Variants in VEPH1 observed in about 807,000 individuals in gnomAD.
VEPH1 encodes the protein ventricular zone-expressed PH domain-containing protein homolog 1.
VEPH1 carries 80 observed loss-of-function variants against 85.2 expected under a neutral mutation model. The ratio of observed to expected loss-of-function variants is 0.94; its 90% CI spans 0.78 to 1.13. The LOEUF is 1.13. VEPH1 is among the 50% of genes most tolerant of loss of function. VEPH1 has a pLI of 0.00. For synonymous variants in VEPH1, 297 were observed against 348.0 expected (o/e 0.85, Z 1.63); for missense variants, 955 against 980.5 (o/e 0.97, Z 0.35).
intron 9 of VEPH1, 73 bp downstream of exon 9, chr3:157,363,291 C>A: frequency 7.1e-7 from 1 of 1,399,602 alleles, no homozygotes; most frequent in Non-Finnish European, 9.5e-7. Flanking sequence ...TGCTAATTTA[C>A]CTGATTTGAG....
chr3:157,447,427 G>C (rs1448103606), intron 4 of VEPH1, among the ~76,000 whole-genome samples: 2 of 152,046 alleles, frequency 1.3e-5, no homozygotes, highest in Non-Finnish European at 2.9e-5. Context: ...TTGCTTAGTA[G>C]CTTGTTTCCT....
chr3:157,291,156 A>T (rs745523813), intron 11 of VEPH1, among the ~76,000 whole-genome samples: 1 of 152,212 alleles, frequency 6.6e-6, no homozygotes, highest in Non-Finnish European at 1.5e-5. Context: ...GGTTAATAGG[A>T]TCACTCTAGG....
intron 2 of VEPH1, among the ~76,000 whole-genome samples, chr3:157,487,590 A>T (rs1163596263): frequency 2.6e-5 from 4 of 152,174 alleles, no homozygotes; most frequent in Admixed American, 6.5e-5. Context: ...ATATAACTTG[A>T]TGTCGAAGCT....
chr3:157,355,823 G>A (rs1159232380), intron 9 of VEPH1, among the ~76,000 whole-genome samples: 1 of 151,672 alleles, frequency 6.6e-6, no homozygotes, highest in East Asian at 1.9e-4. Context: ...CGGGATAATT[G>A]ATGTGGATAT....
chr3:157,387,604 C>T (rs1327744984), intron 6 of VEPH1, among the ~76,000 whole-genome samples: 3 of 152,196 alleles, frequency 2.0e-5, no homozygotes, highest in South Asian at 2.1e-4. Context: ...TTTCTGTACT[C>T]CACCTGTGGT....
Position 157,427,997 on chromosome 3 carries a change from G to C in VEPH1, c.696+325C>G, listed in dbSNP as rs184392023. Among the ~76,000 whole-genome samples, 108 of 152,198 alleles carry C rather than the reference G, an allele frequency of 7.1e-4. 1 individual carries two copies. The highest frequency in any genetic ancestry group is 2.5e-3 in the African/African-American group (103 of 41,452). ...TTACTCTCTCTGCCTGATTTTGTGA[G>C]CTGGAACATTGGTCTTCTCCTGTCC... is the stretch of plus-strand genomic sequence containing the variant. On this transcript the variant is annotated intron_variant, in intron 5 of 13. Transcript: ENST00000362010.
intron 2 of VEPH1, among the ~76,000 whole-genome samples, chr3:157,482,186 A>C (rs1158170670): frequency 6.6e-6 from 1 of 151,818 alleles, no homozygotes; most frequent in African/African-American, 2.4e-5. Context: ...ATTTTAGAAT[A>C]GGTTTTCCTA....
At chr3:157,294,792 A>C (rs1717926295) in intron 11 of VEPH1, among the ~76,000 whole-genome samples, 1 of 152,232 alleles carries the variant, frequency 6.6e-6, no homozygotes, top group African/African-American at 2.4e-5. Context: ...CCTGGGCTAA[A>C]AAAACAAGCT....
chr3:157,321,777 G>GAAAC (rs565467072), intron 9 of VEPH1, among the ~76,000 whole-genome samples: 96 of 152,076 alleles, frequency 6.3e-4, no homozygotes, highest in South Asian at 8.3e-4. Flanking sequence ...GATCCAGAAT[G>GAAAC]AAACAAACAA....
At chr3:157,466,108 C>G (rs1004150950) in intron 3 of VEPH1, among the ~76,000 whole-genome samples, 9 of 151,870 alleles carry the variant, frequency 5.9e-5, no homozygotes, top group Admixed American at 5.2e-4. Context: ...CCTTGAGGTA[C>G]GTTTTAATTT....
At chr3:157,391,790 A>G (rs974747344) in intron 6 of VEPH1, among the ~76,000 whole-genome samples, 3 of 152,236 alleles carry the variant, frequency 2.0e-5, no homozygotes, top group African/African-American at 7.2e-5. Flanking sequence ...TGTAACTACC[A>G]GATTGTCCAA....
chr3:157,391,896 G>A (rs2108923461), intron 6 of VEPH1, among the ~76,000 whole-genome samples: 1 of 151,522 alleles, frequency 6.6e-6, no homozygotes, highest in Admixed American at 6.6e-5. Context: ...CTTCTTAACA[G>A]AAACAAGCAA....
At chr3:157,493,543 G>C (rs2109743173) in intron 2 of VEPH1, among the ~76,000 whole-genome samples, 1 of 152,238 alleles carries the variant, frequency 6.6e-6, no homozygotes, top group South Asian at 2.1e-4. Flanking sequence ...TCCATGAGAG[G>C]GTTACAGATA....
At chr3:157,266,882 C>G in intron 12 of VEPH1, among the ~76,000 whole-genome samples, 1 of 152,038 alleles carries the variant, frequency 6.6e-6, no homozygotes, top group South Asian at 2.1e-4. Context: ...TTCATAGCAC[C>G]TTGAAAGTAA....
intron 3 of VEPH1, among the ~76,000 whole-genome samples, chr3:157,465,605 G>C (rs1202689199): frequency 2.0e-5 from 3 of 152,198 alleles, no homozygotes; most frequent in Non-Finnish European, 1.5e-5. Flanking sequence ...GGCATAACCA[G>C]TCCCATCTCT....
intron 4 of VEPH1, among the ~76,000 whole-genome samples, chr3:157,441,189 G>A (rs934309071): frequency 4.6e-5 from 7 of 152,160 alleles, no homozygotes; most frequent in Middle Eastern, 3.2e-3. Context: ...ATTAATAAGA[G>A]GCACTGTAGT....
At chr3:157,296,149 A>C (rs1718106315) in intron 11 of VEPH1, among the ~76,000 whole-genome samples, 1 of 152,238 alleles carries the variant, frequency 6.6e-6, no homozygotes. Context: ...ACAACAGTAC[A>C]AAAGCATTCA....
intron 6 of VEPH1, among the ~76,000 whole-genome samples, chr3:157,407,611 T>G (rs1731240997): frequency 6.6e-6 from 1 of 152,156 alleles, no homozygotes; most frequent in Non-Finnish European, 1.5e-5. Flanking sequence ...GTCTCCTGAT[T>G]TTGACTGGTC....
chr3:157,470,433 C>A lies in VEPH1; in HGVS notation c.235G>T (p.Ala79Ser). 6.2e-7 allele frequency: 1 copy of A among 1,614,182 alleles called. No individual in the cohort carries two copies. The highest frequency in any genetic ancestry group is 1.1e-5 in the South Asian group (1 of 91,084). Residue 79 changes from alanine (A) to serine (S), a missense_variant, in exon 3 of 14, where the codon GCA becomes TCA. Coordinates refer to ENST00000362010, the MANE Select transcript of VEPH1 (RefSeq NM_001167912.2). ...TCCCAGAGCCCCACAAGGGCCTTTG[C>A]ATGCTTTTCAATGGACTCGGTCTCT... Reference protein sequence around the residue: ...IRETESIEKHAKALVGLWDSC... With the variant: ...IRETESIEKHSKALVGLWDSC...
Sources: allele counts gnomAD v4.1 joint callset (sites outside exome capture counted in the v4.1 genomes callset), GRCh38; gene constraint gnomAD v4.1.1; transcripts MANE v1.5; gene names NCBI Gene and HGNC (gene_info 2026-07-23, HGNC 2026-07-21).